The following SERPINB7 variants were observed in gnomAD, a reference collection of about 807,000 sequenced individuals.
SERPINB7 encodes the protein serpin B7.
In SERPINB7, 31 loss-of-function variants were observed where a neutral mutation model predicts 37.4. The ratio of observed to expected loss-of-function variants is 0.83; its 90% CI spans 0.62 to 1.12. The LOEUF is 1.12. Among genes scored for constraint, SERPINB7 ranks in the 50% most tolerant of loss-of-function variants. SERPINB7 has a pLI of 0.00. For synonymous variants in SERPINB7, 163 were observed against 166.1 expected, an observed-to-expected ratio of 0.98 and a Z score of 0.14; for missense variants, 521 against 455.3, an observed-to-expected ratio of 1.14 and a Z score of -1.31.
chr18:63,805,332 G>GT lies in SERPINB7; in HGVS notation c.*703dup, dbSNP rs1463283287. On this transcript the variant is annotated 3_prime_UTR_variant, in exon 8 of 8. Coordinates refer to ENST00000398019, the MANE Select transcript of SERPINB7 (RefSeq NM_003784.4). ...ATCTCATATGCTGTGTAGTTTATAA[G>GT]TTTTTTCTCTATTTATCAGAATAAA... 2 of 152,104 alleles carry GT rather than the reference G, an allele frequency of 1.3e-5. No individual in the cohort carries two copies. The highest frequency in any genetic ancestry group is 2.9e-5 in the Non-Finnish European group (2 of 68,032). The allele number at this position is 152,104 out of a possible 1,614,324, so 9.4% of individuals were successfully genotyped here.
intron 4 of SERPINB7, among the ~76,000 whole-genome samples, 154 bp from the exon 5 acceptor site, chr18:63,796,112 C>T (rs549449721): frequency 6.6e-6 from 1 of 152,302 alleles, no homozygotes; most frequent in Non-Finnish European, 1.5e-5. Flanking sequence ...CCCTTCCAGT[C>T]CCATTTCCAT....
At chr18:63,797,503 T>C (rs2049500866) in intron 5 of SERPINB7, among the ~76,000 whole-genome samples, 1 of 152,168 alleles carries the variant, frequency 6.6e-6, no homozygotes, top group Admixed American at 6.5e-5. Context: ...GCTAACAACT[T>C]TTTCTATTTA....
upstream of SERPINB7, among the ~76,000 whole-genome samples, chr18:63,771,860 G>A (rs1483522995): frequency 6.6e-6 from 1 of 151,708 alleles, no homozygotes; most frequent in Non-Finnish European, 1.5e-5. Flanking sequence ...AAGTTTAAAA[G>A]GATGTAGTGG....
Position 63,796,289 on chromosome 18 carries a change from A to G in SERPINB7, c.360A>G (p.Lys120=), listed in dbSNP as rs35672333. 116 of 1,612,540 alleles carry G rather than the reference A, an allele frequency of 7.2e-5. No individual in the cohort carries two copies. In the African/African-American group the frequency reaches 1.4e-3, roughly 20 times the overall value. ...AGGACTACATTGAGTGTGCCGAAAAATTATACGATGCCAAAGTGGAGCGAG... is the reference window on the plus strand; with the variant it reads ...AGGACTACATTGAGTGTGCCGAAAAGTTATACGATGCCAAAGTGGAGCGAG... ...FHKDYIECAE[K]LYDAKVERVD... Residue 120 remains lysine (K), a synonymous_variant, in exon 5 of 8, where the codon AAA becomes AAG. Coordinates refer to ENST00000398019, the MANE Select transcript of SERPINB7 (RefSeq NM_003784.4).
rs75819015 is a variant in SERPINB7 at position 63,753,502 on chromosome 18, T to C, written c.-19+382T>C. On this transcript the variant is annotated intron_variant, in intron 1 of 7. Coordinates refer to the SERPINB7 transcript ENST00000336429. ...CAAGATAGCTCATACACCAACTATA[T>C]CTACTACCTGTGTCTGGGCTTTCTA... Among the ~76,000 whole-genome samples the C allele has an allele frequency of 3.0e-4, 45 of 152,332 alleles. No individual in the cohort carries two copies. The East Asian group carries it at 7.9e-3, about 27-fold the overall frequency.
upstream of SERPINB7, among the ~76,000 whole-genome samples, chr18:63,772,912 A>T (rs1040172229): frequency 2.6e-5 from 4 of 152,168 alleles, no homozygotes; most frequent in East Asian, 7.7e-4. Flanking sequence ...TAAATGCATA[A>T]GGACAATATT....
intron 7 of SERPINB7, among the ~76,000 whole-genome samples, chr18:63,803,694 T>G (rs530817627): frequency 2.6e-5 from 4 of 152,276 alleles, no homozygotes; most frequent in African/African-American, 9.6e-5. Context: ...TGATTTGAAT[T>G]CAAGCTTCCC....
chr18:63,804,116 A>G (rs1809128037), intron 7 of SERPINB7, 121 bp from the exon 8 acceptor site: 2 of 698,202 alleles, frequency 2.9e-6, no homozygotes, highest in African/African-American at 3.6e-5. Flanking sequence ...AGACACATTC[A>G]TGTACTTGAA....
At position 63,800,883 on chromosome 18, in the gene SERPINB7, C is replaced by T. The variant is rs767405365; in HGVS notation, c.615C>T (p.Val205=). ...FKSPKCSGKA[V]AMMHQERKFN... is the part of the protein sequence containing the mutation. ...ACTTTCAGTGCTCTGGGAAGGCAGT[C>T]GCCATGATGCATCAGGAACGGAAGT... is the stretch of plus-strand genomic sequence containing the variant. Residue 205 remains valine (V), a synonymous_variant, in exon 7 of 8, where the codon GTC becomes GTT. Transcript: ENST00000398019. 10 of 1,613,552 alleles carry T rather than the reference C, an allele frequency of 6.2e-6. No homozygotes were observed. The highest frequency in any genetic ancestry group is 7.6e-6 in the Non-Finnish European group (9 of 1,179,768).
At chr18:63,770,882 CA>C (rs1213248924), upstream of SERPINB7, among the ~76,000 whole-genome samples, 4 of 151,332 alleles carry the variant, frequency 2.6e-5, no homozygotes, top group African/African-American at 9.7e-5. Context: ...TGCACACACA[CA>C]CACACACACA....
At chr18:63,755,746 T>A (rs1598985279) in intron 1 of SERPINB7, among the ~76,000 whole-genome samples, 3 of 151,756 alleles carry the variant, frequency 2.0e-5, no homozygotes, top group African/African-American at 7.3e-5. Flanking sequence ...TTAAAAAAAA[T>A]AGCTAGATAT....
intron 1 of SERPINB7, among the ~76,000 whole-genome samples, chr18:63,765,981 T>C (rs1307658296): frequency 6.6e-6 from 1 of 152,146 alleles, no homozygotes; most frequent in Non-Finnish European, 1.5e-5. Context: ...GTCTCTGTAA[T>C]ACCTTTGTTC....
At chr18:63,765,318 T>G (rs1377847537) in intron 1 of SERPINB7, among the ~76,000 whole-genome samples, 1 of 152,138 alleles carries the variant, frequency 6.6e-6, no homozygotes, top group East Asian at 1.9e-4. Context: ...AGATTCTACC[T>G]CCTAAATTTA....
intron 2 of SERPINB7, among the ~76,000 whole-genome samples, chr18:63,783,186 A>AAGAGAGAGAGAGAGAGAGAGAG (rs1200340375): frequency 1.3e-5 from 1 of 75,322 alleles, no homozygotes; most frequent in Non-Finnish European, 2.7e-5. Flanking sequence ...GAAAGAAAGA[A>AAGAGAGAGAGAGAGAGAGAGAG]AGAGAGAGAG....
At position 63,804,570 on chromosome 18, in the gene SERPINB7, C is replaced by A; in HGVS notation, c.1078C>A (p.Pro360Thr). 2 of 1,613,438 alleles carry A rather than the reference C, an allele frequency of 1.2e-6. No homozygotes were observed. Among genetic ancestry groups the A allele is most frequent in the Non-Finnish European group, 1.7e-6 (2 of 1,179,730 alleles). Residue 360 changes from proline (P) to threonine (T), a missense_variant, in exon 8 of 8, where the codon CCA (proline) becomes ACA (threonine). Pro to Thr is a conservative substitution (Grantham distance 38). Transcript: ENST00000398019. ...GTCCACGCTGTTTAGAGCTGACCAC[C>A]CATTCCTATTTGTTATCAGGAAGGA... ...PQSTLFRADH[P>T]FLFVIRKDDI...
intron 1 of SERPINB7, among the ~76,000 whole-genome samples, chr18:63,762,354 T>C (rs2049159015): frequency 6.6e-6 from 1 of 152,192 alleles, no homozygotes; most frequent in Admixed American, 6.5e-5. Context: ...AAAATAAGAT[T>C]GTCATATTTT....
At position 63,800,902 on chromosome 18, in the gene SERPINB7, CG is replaced by C. The variant is rs773633666; in HGVS notation, c.636del (p.Lys213SerfsTer12). The C allele has an allele frequency of 1.2e-6, 2 of 1,613,752 alleles. No individual in the cohort carries two copies. The highest frequency in any genetic ancestry group is 4.5e-5 in the East Asian group (2 of 44,872). ...GGCAGTCGCCATGATGCATCAGGAA[CG>C]GAAGTTCAATTTGTCTGTTATTGAG... is the stretch of plus-strand genomic sequence containing the variant. Reference protein sequence around the residue: ...GKAVAMMHQERKFNLSVIEDP... With the variant: ...GKAVAMMHQEXKFNLSVIEDP... On this transcript the variant is annotated frameshift_variant, in exon 7 of 8. Transcript: ENST00000398019. LOFTEE classifies it high-confidence loss of function.
At chr18:63,767,474 C>T (rs1319356947) in intron 1 of SERPINB7, among the ~76,000 whole-genome samples, 5 of 152,002 alleles carry the variant, frequency 3.3e-5, no homozygotes, top group African/African-American at 9.7e-5. Flanking sequence ...ACATTCTGTC[C>T]AGGTCTTATA....
At chr18:63,767,488 G>A (rs1330206015) in intron 1 of SERPINB7, among the ~76,000 whole-genome samples, 1 of 152,068 alleles carries the variant, frequency 6.6e-6, no homozygotes, top group Non-Finnish European at 1.5e-5. Flanking sequence ...TCTTATAGTT[G>A]AGTCTGTGGG....
Sources: allele counts gnomAD v4.1 joint callset (sites outside exome capture counted in the v4.1 genomes callset), GRCh38; gene constraint gnomAD v4.1.1; transcripts MANE v1.5; gene names NCBI Gene and HGNC (gene_info 2026-07-23, HGNC 2026-07-21).